The following CCDC30 variants were observed in gnomAD, a reference collection of about 807,000 sequenced individuals.
CCDC30 encodes the protein coiled-coil domain containing 30, also known as coiled-coil domain-containing protein 30.
In CCDC30, 70 loss-of-function variants were observed where a neutral mutation model predicts 100.2. The ratio of observed to expected loss-of-function variants is 0.70; its 90% confidence interval spans 0.58 to 0.85. The LOEUF (loss-of-function observed/expected upper bound fraction) is 0.85. CCDC30 is among the 40% of genes least tolerant of loss of function. The probability of loss-of-function intolerance (pLI) is 0.00; values close to 1 mark genes in which losing one functional copy is unlikely to be tolerated. For missense variants in CCDC30, 652 were observed against 771.2 expected, an observed-to-expected ratio of 0.85 and a Z score of 1.83; for synonymous variants, 233 against 269.5, an observed-to-expected ratio of 0.86 and a Z score of 1.33.
intron 6 of CCDC30, among the ~76,000 whole-genome samples, chr1:42,542,592 G>A (rs1157935906): frequency 7.2e-5 from 7 of 97,708 alleles, no homozygotes; most frequent in African/African-American, 7.1e-5. Flanking sequence ...CGCCCAGGCC[G>A]GACTGCGGAC....
intron 6 of CCDC30, among the ~76,000 whole-genome samples, chr1:42,502,518 A>G (rs1431723063): frequency 1.3e-5 from 2 of 152,158 alleles, no homozygotes; most frequent in Non-Finnish European, 2.9e-5. Flanking sequence ...CCAGTACCTC[A>G]GTTGGAAATG....
chr1:42,471,566 T>C (rs1223467320), intron 1 of CCDC30, among the ~76,000 whole-genome samples: 3 of 152,214 alleles, frequency 2.0e-5, no homozygotes, highest in African/African-American at 7.2e-5. Context: ...GGATGCTATG[T>C]ATTCTTAGTA....
At chr1:42,606,138 A>G (rs1255254726) in intron 10 of CCDC30, among the ~76,000 whole-genome samples, 2 of 152,242 alleles carry the variant, frequency 1.3e-5, no homozygotes. Flanking sequence ...CAGACCATAC[A>G]TAGCGTCATT....
chr1:42,484,087 A>AAACAAGAT (rs376679389), intron 3 of CCDC30, among the ~76,000 whole-genome samples: 1 of 151,876 alleles, frequency 6.6e-6, no homozygotes, highest in Admixed American at 6.6e-5. Flanking sequence ...TGTTAAATGT[A>AAACAAGAT]TAAAACAATA....
chr1:42,460,741 GA>G (rs200853307), upstream of CCDC30, among the ~76,000 whole-genome samples: 923 of 152,306 alleles, frequency 6.1e-3, 6 homozygotes, highest in African/African-American at 0.021. Flanking sequence ...TTAGGCATTT[GA>G]CTTAATCTCA....
the CCDC30 span, chr1:42,456,152 G>A: frequency 1.1e-5 from 7 of 664,676 alleles, no homozygotes; most frequent in Admixed American, 6.7e-5. Flanking sequence ...GTGTATTGCT[G>A]AAGTTGGAAA....
intron 9 of CCDC30, among the ~76,000 whole-genome samples, chr1:42,587,705 G>T (rs1646102443): frequency 6.6e-6 from 1 of 152,154 alleles, no homozygotes; most frequent in South Asian, 2.1e-4. Context: ...CGAATGTCAG[G>T]ATTTTACTGC....
intron 6 of CCDC30, among the ~76,000 whole-genome samples, chr1:42,526,252 C>G (rs1307722576): frequency 6.6e-6 from 1 of 152,158 alleles, no homozygotes; most frequent in Non-Finnish European, 1.5e-5. Flanking sequence ...TGTCAAGTGT[C>G]TGAGAAGAGT....
intron 6 of CCDC30, among the ~76,000 whole-genome samples, chr1:42,506,532 T>G (rs1239757834): frequency 6.6e-6 from 1 of 152,216 alleles, no homozygotes; most frequent in African/African-American, 2.4e-5. Flanking sequence ...ACATAGACAT[T>G]AGAATTTTAG....
At chr1:42,592,624 A>C (rs1159252615) in intron 10 of CCDC30, 1 of 152,230 alleles carries the variant, frequency 6.6e-6, no homozygotes, top group Non-Finnish European at 1.5e-5. Context: ...GAGGTGGGGA[A>C]GATGGCTTGA....
intron 11 of CCDC30, among the ~76,000 whole-genome samples, chr1:42,626,839 T>C (rs1646942370): frequency 6.6e-6 from 1 of 152,208 alleles, no homozygotes; most frequent in South Asian, 2.1e-4. Flanking sequence ...TCCCCAGCCA[T>C]GTGGAGCTGT....
chr1:42,459,953 A>G (rs1429371914), upstream of CCDC30: 2 of 1,563,598 alleles, frequency 1.3e-6, no homozygotes, highest in African/African-American at 2.8e-5. Flanking sequence ...AGGATCAAAA[A>G]TTGTTCAGGG....
At chr1:42,599,543 A>G (rs1478333525) in intron 10 of CCDC30, among the ~76,000 whole-genome samples, 1 of 152,234 alleles carries the variant, frequency 6.6e-6, no homozygotes, top group East Asian at 1.9e-4. Flanking sequence ...AATATGGTAG[A>G]TATCAATCCA....
At chr1:42,524,564 C>A (rs1299025496) in intron 6 of CCDC30, among the ~76,000 whole-genome samples, 1 of 152,170 alleles carries the variant, frequency 6.6e-6, no homozygotes, top group Non-Finnish European at 1.5e-5. Context: ...TCTGTACCTA[C>A]ATGAGCGAAA....
intron 8 of CCDC30, among the ~76,000 whole-genome samples, chr1:42,578,120 T>C (rs1645881341): frequency 6.6e-6 from 1 of 152,202 alleles, no homozygotes. Flanking sequence ...ATGTAACAGT[T>C]GTACATTTTG....
At chr1:42,600,289 A>G (rs1458690003) in intron 10 of CCDC30, among the ~76,000 whole-genome samples, 3 of 152,230 alleles carry the variant, frequency 2.0e-5, no homozygotes, top group Admixed American at 6.5e-5. Flanking sequence ...GAATGTCAAA[A>G]TATGTGAGGC....
intron 6 of CCDC30, among the ~76,000 whole-genome samples, chr1:42,515,708 A>G (rs1439016973): frequency 6.6e-6 from 1 of 152,220 alleles, no homozygotes; most frequent in Non-Finnish European, 1.5e-5. Flanking sequence ...AAAGGGACTA[A>G]GATACTCCCT....
At chr1:42,473,521 G>C (rs923556187) in intron 1 of CCDC30, 8 of 375,906 alleles carry the variant, frequency 2.1e-5, no homozygotes, top group South Asian at 1.5e-4. Context: ...ATGACTGGCT[G>C]AACATCTAAA....
chr1:42,580,996 G>A lies in CCDC30; in HGVS notation c.847-364G>A, dbSNP rs112036607. ...TGGGACTACAGGTACTCACCACCAC[G>A]CCCGGCTAATTTTTGTATTTTTTTG... is the stretch of plus-strand genomic sequence containing the variant. On this transcript the variant is annotated intron_variant, in intron 8 of 16. Transcript: ENST00000668663. The A allele has an allele frequency of 3.8e-3, 1,386 of 365,988 alleles. 12 individuals carry two copies. The highest frequency in any genetic ancestry group is 0.026 in the African/African-American group (1,207 of 45,898). The allele number at this position is 365,988 out of a possible 1,614,324, so 22.7% of individuals were successfully genotyped here.
Sources: allele counts gnomAD v4.1 joint callset (sites outside exome capture counted in the v4.1 genomes callset), GRCh38; gene constraint gnomAD v4.1.1; transcripts MANE v1.5; gene names NCBI Gene and HGNC (gene_info 2026-07-23, HGNC 2026-07-21).